AUTS2: variants seen among roughly 807,000 people sequenced by gnomAD.
AUTS2 encodes the protein autism susceptibility gene 2 protein.
AUTS2 carries 17 observed loss-of-function variants against 112.4 expected under a neutral mutation model. The ratio of observed to expected loss-of-function variants is 0.15; its 90% CI spans 0.10 to 0.23. AUTS2 has a LOEUF of 0.23. Ranked by LOEUF, AUTS2 falls within the 10% of genes least tolerant of loss-of-function variation. The pLI is 1.00. For synonymous variants in AUTS2, 751 were observed against 702.7 expected, an observed-to-expected ratio of 1.07 and a Z score of -1.09; for missense variants, 1,510 against 1,701.6, an observed-to-expected ratio of 0.89 and a Z score of 1.98.
At chr7:70,347,117 C>T (rs1439853110) in intron 4 of AUTS2, among the ~76,000 whole-genome samples, 2 of 152,142 alleles carry the variant, frequency 1.3e-5, no homozygotes, top group African/African-American at 2.4e-5. Context: ...GGTGTGCCTC[C>T]GTTTACACTG....
chr7:70,502,952 A>G (rs1798823901), intron 5 of AUTS2, among the ~76,000 whole-genome samples: 1 of 152,090 alleles, frequency 6.6e-6, no homozygotes, highest in Admixed American at 6.5e-5. Context: ...CACATCACAA[A>G]ACACTTAGCA....
At position 69,730,039 on chromosome 7, in the gene AUTS2, G is replaced by A. The variant is rs371819722; in HGVS notation, c.309+130077G>A. On this transcript the variant is annotated intron_variant, in intron 1 of 18. Coordinates refer to ENST00000342771, the MANE Select transcript of AUTS2 (RefSeq NM_015570.4). ...TTTTTTAGAAACTAGGTCTTCCTAA[G>A]TAAGTTGTCTGGTTTGGTCTCGAAC... Among the ~76,000 whole-genome samples, 12 of 106,160 alleles carry A rather than the reference G, an allele frequency of 1.1e-4. No individual in the cohort carries two copies. In the East Asian group the frequency reaches 2.2e-3, roughly 20 times the overall value. The allele number at this position is 106,160 out of a possible 152,430, so 69.6% of individuals were successfully genotyped here.
chr7:70,353,103 A>C (rs968095115), intron 4 of AUTS2, among the ~76,000 whole-genome samples: 8 of 152,172 alleles, frequency 5.3e-5, no homozygotes, highest in African/African-American at 1.7e-4. Flanking sequence ...TCCAGTTTTC[A>C]AAACTGCTCA....
intron 5 of AUTS2, among the ~76,000 whole-genome samples, chr7:70,560,049 C>G (rs1037194186): frequency 6.6e-6 from 1 of 152,196 alleles, no homozygotes; most frequent in Non-Finnish European, 1.5e-5. Context: ...GGCCTTTGGT[C>G]TGGCCTTCCA....
At chr7:69,690,761 C>T (rs536869525) in intron 1 of AUTS2, among the ~76,000 whole-genome samples, 5 of 152,318 alleles carry the variant, frequency 3.3e-5, no homozygotes, top group South Asian at 4.1e-4. Context: ...CTCTCTTTCT[C>T]GTCACCTGCA....
intron 1 of AUTS2, among the ~76,000 whole-genome samples, chr7:69,887,180 G>A (rs1333843103): frequency 3.9e-5 from 6 of 152,224 alleles, no homozygotes; most frequent in East Asian, 1.9e-4. Flanking sequence ...TTGGGAAGCC[G>A]AGGCGGGTGG....
chr7:70,496,512 G>C (rs1166380067), intron 5 of AUTS2, among the ~76,000 whole-genome samples: 2 of 88,120 alleles, frequency 2.3e-5, no homozygotes, highest in Admixed American at 2.9e-4. Context: ...CATCAGCGTC[G>C]ATCACACACC....
At chr7:70,393,567 T>C (rs1359279128) in intron 4 of AUTS2, among the ~76,000 whole-genome samples, 1 of 152,154 alleles carries the variant, frequency 6.6e-6, no homozygotes, top group East Asian at 1.9e-4. Flanking sequence ...AGTCTGTGTC[T>C]CACAAGCACC....
chr7:70,158,313 G>T (rs1386012280), intron 4 of AUTS2, among the ~76,000 whole-genome samples: 1 of 152,186 alleles, frequency 6.6e-6, no homozygotes, highest in Non-Finnish European at 1.5e-5. Context: ...TTTTGTGGAA[G>T]ATGGCTGTGT....
intron 1 of AUTS2, among the ~76,000 whole-genome samples, chr7:69,677,435 A>G (rs1422323935): frequency 2.0e-5 from 3 of 152,200 alleles, no homozygotes; most frequent in Non-Finnish European, 4.4e-5. Context: ...ATAGTGCTTA[A>G]CTGGAAACCC....
intron 3 of AUTS2, among the ~76,000 whole-genome samples, chr7:70,130,714 A>G (rs1806227406): frequency 6.6e-6 from 1 of 152,020 alleles, no homozygotes. Context: ...GAATGAAAAG[A>G]CCATGTTAAC....
At chr7:70,183,425 G>C (rs781716349) in intron 4 of AUTS2, among the ~76,000 whole-genome samples, 1 of 152,200 alleles carries the variant, frequency 6.6e-6, no homozygotes, top group African/African-American at 2.4e-5. Context: ...GGTGACAAAT[G>C]TGTTAATTAT....
chr7:70,696,851 A>G (rs1010987362), intron 5 of AUTS2, among the ~76,000 whole-genome samples: 15 of 152,024 alleles, frequency 9.9e-5, no homozygotes, highest in Non-Finnish European at 2.1e-4. Context: ...TCAGTTTGGT[A>G]AAACACTTTA....
At chr7:69,699,248 A>G (rs1562819703) in intron 1 of AUTS2, among the ~76,000 whole-genome samples, 1 of 152,182 alleles carries the variant, frequency 6.6e-6, no homozygotes, top group Non-Finnish European at 1.5e-5. Flanking sequence ...GCAAAATTGT[A>G]TTAAGAAGTA....
intron 2 of AUTS2, among the ~76,000 whole-genome samples, chr7:69,987,515 T>C (rs564502810): frequency 6.6e-6 from 1 of 152,338 alleles, no homozygotes; most frequent in South Asian, 2.1e-4. Flanking sequence ...CCCAGGCTTT[T>C]ATAGAGCAGT....
chr7:69,623,656 G>A (rs1310632143), intron 1 of AUTS2, among the ~76,000 whole-genome samples: 4 of 152,074 alleles, frequency 2.6e-5, no homozygotes, highest in African/African-American at 9.7e-5. Flanking sequence ...TGGTAATGGT[G>A]ATGGTTTACA....
Position 70,655,959 on chromosome 7 carries a change from G to A in AUTS2, c.691-42610G>A, listed in dbSNP as rs536464033. 5.3e-5 allele frequency among the ~76,000 whole-genome samples: 8 copies of A among 152,200 alleles called. No homozygotes were observed. In the East Asian group the frequency reaches 7.7e-4, roughly 15 times the overall value. On this transcript the variant is annotated intron_variant, in intron 5 of 18. Transcript: ENST00000342771. ...ATCATCTGCAGACACCTGATTCCCT[G>A]TCAGTGCTTTTTCTGTTTGACAGGA...
intron 2 of AUTS2, among the ~76,000 whole-genome samples, chr7:69,978,299 G>A (rs1798141496): frequency 6.6e-6 from 1 of 152,048 alleles, no homozygotes; most frequent in Admixed American, 6.6e-5. Context: ...AAACAACATT[G>A]TCTTTTCAGT....
At chr7:70,589,221 T>A (rs1411936439) in intron 5 of AUTS2, among the ~76,000 whole-genome samples, 1 of 152,210 alleles carries the variant, frequency 6.6e-6, no homozygotes, top group Non-Finnish European at 1.5e-5. Context: ...TCCTTCCAAC[T>A]GCAGGGAGAA....
Sources: gnomAD v4.1 joint callset for allele counts (sites outside exome capture counted in the v4.1 genomes callset) on GRCh38, gnomAD v4.1.1 for gene constraint, MANE v1.5 for transcripts, NCBI Gene and HGNC (gene_info 2026-07-23, HGNC 2026-07-21) for gene names.